Variants in DAOA observed in about 807,000 individuals in gnomAD.
The protein encoded by DAOA is D-amino acid oxidase regulator.
DAOA carries 15 observed loss-of-function variants against 16.4 expected under a neutral mutation model. The ratio of observed to expected loss-of-function variants is 0.91; its 90% CI spans 0.61 to 1.41. The LOEUF is 1.41. DAOA is among the 40% of genes most tolerant of loss of function. The pLI, the probability that DAOA is intolerant of heterozygous loss-of-function variation, is 0.00. For missense variants in DAOA, 230 were observed against 176.8 expected (o/e 1.30, Z -1.71); for synonymous variants, 75 against 59.1 (o/e 1.27, Z -1.23).
intron 3 of DAOA, among the ~76,000 whole-genome samples, chr13:105,471,147 A>G (rs577031223): frequency 6.6e-6 from 1 of 151,642 alleles, no homozygotes; most frequent in Non-Finnish European, 1.5e-5. Context: ...CTGGTCTCCA[A>G]CTCCTGACCT....
intron 5 of DAOA, 109 bp downstream of exon 5, chr13:105,490,301 T>C (rs1878428815): frequency 4.7e-6 from 2 of 429,232 alleles, no homozygotes; most frequent in African/African-American, 2.1e-5. Flanking sequence ...ACTAATACCA[T>C]AGGTAATCAA....
chr13:105,473,887 A>G (rs1437797395), intron 4 of DAOA, among the ~76,000 whole-genome samples: 4 of 152,114 alleles, frequency 2.6e-5, no homozygotes, highest in African/African-American at 9.7e-5. Context: ...AAGCTCTACC[A>G]TCTCTAAAAG....
chr13:105,487,367 G>A lies in DAOA; in HGVS notation c.282-2534G>A, dbSNP rs934761473. Among the ~76,000 whole-genome samples, 9 of 152,136 alleles carry A rather than the reference G, an allele frequency of 5.9e-5. No individual in the cohort carries two copies. The South Asian group carries it at 1.7e-3, about 28-fold the overall frequency. On this transcript the variant is annotated intron_variant, in intron 4 of 5. Coordinates refer to ENST00000375936, the MANE Select transcript of DAOA (RefSeq NM_172370.5). Reference sequence around the variant, plus strand: ...AATCATATAATAATATTCTGATGATGGAGCAGGAAATGATGTGATTTATCC... The same window carrying A: ...AATCATATAATAATATTCTGATGATAGAGCAGGAAATGATGTGATTTATCC...
intron 4 of DAOA, among the ~76,000 whole-genome samples, chr13:105,486,525 A>T (rs1878120848): frequency 6.6e-6 from 1 of 152,122 alleles, no homozygotes; most frequent in South Asian, 2.1e-4. Flanking sequence ...GATTTGTATC[A>T]TGAATAAGAC....
chr13:105,484,459 C>T (rs1470876358), intron 4 of DAOA, among the ~76,000 whole-genome samples: 1 of 152,004 alleles, frequency 6.6e-6, no homozygotes, highest in East Asian at 1.9e-4. Flanking sequence ...AAAAATGTAT[C>T]TTTCTGCATT....
chr13:105,475,132 G>C (rs1877244349), intron 4 of DAOA: 1 of 753,036 alleles, frequency 1.3e-6, no homozygotes, highest in African/African-American at 1.9e-5. Context: ...GTCAGCCTTA[G>C]AAACCAGATC....
chr13:105,482,522 T>C (rs982325676), intron 4 of DAOA, among the ~76,000 whole-genome samples: 3 of 151,266 alleles, frequency 2.0e-5, no homozygotes, highest in African/African-American at 4.9e-5. Flanking sequence ...TTTTTTTTTT[T>C]TCTTTGAGAT....
intron 4 of DAOA, among the ~76,000 whole-genome samples, chr13:105,481,128 G>T (rs1229496517): frequency 6.6e-6 from 1 of 151,916 alleles, no homozygotes; most frequent in Non-Finnish European, 1.5e-5. Flanking sequence ...TTTCTTCTTA[G>T]TATTGAACTC....
At chr13:105,480,121 A>G (rs1048360686) in intron 4 of DAOA, among the ~76,000 whole-genome samples, 5 of 152,204 alleles carry the variant, frequency 3.3e-5, no homozygotes, top group Admixed American at 6.5e-5. Context: ...TTAGTACATA[A>G]CAATATTCAG....
chr13:105,475,701 TA>T (rs1877280081), intron 4 of DAOA, among the ~76,000 whole-genome samples: 1 of 152,156 alleles, frequency 6.6e-6, no homozygotes, highest in Non-Finnish European at 1.5e-5. Context: ...AAGAAACAAT[TA>T]GAAATAATCT....
intron 3 of DAOA, among the ~76,000 whole-genome samples, chr13:105,472,290 A>C (rs1004662999): frequency 6.6e-6 from 1 of 152,222 alleles, no homozygotes; most frequent in African/African-American, 2.4e-5. Context: ...TAAATGACTC[A>C]AAGTATAGTC....
At chr13:105,474,131 T>C (rs1594108577) in intron 4 of DAOA, among the ~76,000 whole-genome samples, 2 of 152,152 alleles carry the variant, frequency 1.3e-5, no homozygotes, top group South Asian at 4.1e-4. Flanking sequence ...TTTTCCATGA[T>C]AACTTTTATT....
Position 105,490,047 on chromosome 13 carries a change from A to C in DAOA, c.428A>C (p.Asn143Thr). 6.3e-7 allele frequency: 1 copy of C among 1,588,204 alleles called. No individual in the cohort carries two copies. Among genetic ancestry groups the C allele is most frequent in the Non-Finnish European group, 8.6e-7 (1 of 1,166,198 alleles). ...AACCAGCAAAAAGACCAGTCATGCAACCACAAGGAAATAACTTCTACCAAA... is the reference window on the plus strand; with the variant it reads ...AACCAGCAAAAAGACCAGTCATGCACCCACAAGGAAATAACTTCTACCAAA... ...NYNQQKDQSCNHKEITSTKAE is the reference protein window; with the variant it reads ...NYNQQKDQSCTHKEITSTKAE Residue 143 changes from asparagine (N) to threonine (T), a missense_variant, in exon 5 of 6, where the codon AAC (asparagine) becomes ACC (threonine). Physicochemically the swap from Asn to Thr is moderately conservative, Grantham distance 65 (BLOSUM62 0). Transcript: ENST00000375936.
intron 4 of DAOA, among the ~76,000 whole-genome samples, chr13:105,481,127 A>G (rs550238195): frequency 6.6e-6 from 1 of 152,104 alleles, no homozygotes; most frequent in Non-Finnish European, 1.5e-5. Context: ...TTTTCTTCTT[A>G]GTATTGAACT....
At chr13:105,478,974 C>A (rs759000290) in intron 4 of DAOA, among the ~76,000 whole-genome samples, 3 of 152,174 alleles carry the variant, frequency 2.0e-5, no homozygotes, top group Admixed American at 6.5e-5. Flanking sequence ...CTCATCAATT[C>A]ATTTATTTGT....
chr13:105,485,370 A>G (rs957104024), intron 4 of DAOA, among the ~76,000 whole-genome samples: 1 of 152,162 alleles, frequency 6.6e-6, no homozygotes, highest in Admixed American at 6.5e-5. Flanking sequence ...AACAAATGGC[A>G]TCATCATCTG....
chr13:105,466,477 C>G, intron 2 of DAOA, 145 bp downstream of exon 2: 2 of 1,338,590 alleles, frequency 1.5e-6, no homozygotes, highest in Non-Finnish European at 2.0e-6. Flanking sequence ...GTATATGGTT[C>G]AGCCTTACTT....
intron 3 of DAOA, among the ~76,000 whole-genome samples, chr13:105,470,021 C>T (rs1489949958): frequency 6.6e-6 from 1 of 150,940 alleles, no homozygotes; most frequent in Non-Finnish European, 1.5e-5. Context: ...TGGATTTTTA[C>T]TTGGTTAATC....
intron 3 of DAOA, among the ~76,000 whole-genome samples, chr13:105,468,825 T>G (rs1165826697): frequency 6.6e-6 from 1 of 152,158 alleles, no homozygotes; most frequent in East Asian, 1.9e-4. Flanking sequence ...GTTTGTGGAA[T>G]CACAGTAAAA....
Sources: gnomAD v4.1 joint callset for allele counts (sites outside exome capture counted in the v4.1 genomes callset) on GRCh38, gnomAD v4.1.1 for gene constraint, MANE v1.5 for transcripts, NCBI Gene and HGNC (gene_info 2026-07-23, HGNC 2026-07-21) for gene names.